IQCM: variants seen among roughly 807,000 people sequenced by gnomAD.
IQCM encodes the protein IQ domain-containing protein M.
IQCM carries 45 observed loss-of-function variants against 57.6 expected under a neutral mutation model. That is an observed-to-expected ratio of 0.78 (90% CI 0.62 to 1.00). The LOEUF (loss-of-function observed/expected upper bound fraction) is 1.00. IQCM is among the 50% of genes least tolerant of loss of function. IQCM has a pLI of 0.00. For synonymous variants in IQCM, 148 were observed against 158.9 expected, an observed-to-expected ratio of 0.93 and a Z score of 0.51; for missense variants, 468 against 511.6, an observed-to-expected ratio of 0.91 and a Z score of 0.82.
At chr4:149,560,454 A>C (rs1301581347) in intron 10 of IQCM, among the ~76,000 whole-genome samples, 1 of 152,170 alleles carries the variant, frequency 6.6e-6, no homozygotes, top group Non-Finnish European at 1.5e-5. Flanking sequence ...TAAAATTATA[A>C]ATATTTAGAG....
At chr4:149,409,370 G>A (rs75780977) in intron 13 of IQCM, among the ~76,000 whole-genome samples, 1,526 of 152,326 alleles carry the variant, frequency 0.01, 11 homozygotes, top group Non-Finnish European at 0.017. Flanking sequence ...CCTCCACTCA[G>A]ATATTTTGGC....
At chr4:149,594,418 C>A (rs1753551039) in intron 8 of IQCM, among the ~76,000 whole-genome samples, 1 of 152,134 alleles carries the variant, frequency 6.6e-6, no homozygotes, top group South Asian at 2.1e-4. Context: ...CTCCTGGATT[C>A]ATTGATTTTT....
intron 7 of IQCM, among the ~76,000 whole-genome samples, chr4:149,673,449 C>CA (rs998549759): frequency 1.2e-3 from 181 of 151,662 alleles, no homozygotes; most frequent in African/African-American, 4.2e-3. Context: ...AAATGGAAAA[C>CA]AAAAAAATGC....
At chr4:149,530,917 G>A (rs1262978777) in intron 12 of IQCM, among the ~76,000 whole-genome samples, 1 of 150,652 alleles carries the variant, frequency 6.6e-6, no homozygotes, top group African/African-American at 2.4e-5. Context: ...AAATGTATGG[G>A]CTACTTTGTT....
At chr4:149,548,642 A>T in intron 11 of IQCM, 53 bp from the exon 12 acceptor site, 3 of 909,046 alleles carry the variant, frequency 3.3e-6, no homozygotes, top group Non-Finnish European at 4.3e-6. Flanking sequence ...TACATCAAGT[A>T]AAAACTTTAA....
chr4:149,624,936 C>T (rs1756668077), intron 7 of IQCM, among the ~76,000 whole-genome samples: 1 of 152,160 alleles, frequency 6.6e-6, no homozygotes, highest in Admixed American at 6.5e-5. Flanking sequence ...ATGCCAAGCT[C>T]GTTCTGTTTC....
intron 13 of IQCM, among the ~76,000 whole-genome samples, chr4:149,377,360 C>G (rs1401543909): frequency 6.6e-6 from 1 of 152,148 alleles, no homozygotes; most frequent in Non-Finnish European, 1.5e-5. Context: ...CCTGAAAGGT[C>G]TGGCTGCTTC....
At chr4:149,802,253 A>G (rs967030940) in intron 2 of IQCM, among the ~76,000 whole-genome samples, 1 of 151,838 alleles carries the variant, frequency 6.6e-6, no homozygotes, top group Non-Finnish European at 1.5e-5. Flanking sequence ...AAAACTTTTC[A>G]TCTGACGAAT....
At chr4:149,792,176 A>T (rs528338890) in intron 2 of IQCM, among the ~76,000 whole-genome samples, 1 of 152,308 alleles carries the variant, frequency 6.6e-6, no homozygotes, top group African/African-American at 2.4e-5. Flanking sequence ...ACTGAATAGT[A>T]TAGGTTATAT....
At position 149,633,033 on chromosome 4, in the gene IQCM, C is replaced by T. The variant is rs539670780; in HGVS notation, c.566-11789G>A. ...AAAATTAGCCGGGCGCGGTGGCGGG[C>T]GCCTGTAGTCCCAGCTACTCGGGAG... On this transcript the variant is annotated intron_variant, in intron 7 of 13. Coordinates refer to ENST00000636793, the MANE Select transcript of IQCM (RefSeq NM_001363507.2). 2.7e-5 allele frequency among the ~76,000 whole-genome samples: 4 copies of T among 150,326 alleles called. No individual in the cohort carries two copies. The South Asian group carries it at 8.4e-4, about 32-fold the overall frequency.
chr4:149,527,098 C>T (rs1193770266), intron 12 of IQCM, among the ~76,000 whole-genome samples: 1 of 152,164 alleles, frequency 6.6e-6, no homozygotes, highest in Non-Finnish European at 1.5e-5. Context: ...AGCATATCAA[C>T]TTGCTATAAA....
intron 2 of IQCM, among the ~76,000 whole-genome samples, chr4:149,769,027 T>C (rs1300042080): frequency 1.3e-5 from 2 of 152,138 alleles, no homozygotes; most frequent in Non-Finnish European, 2.9e-5. Flanking sequence ...GAGTGAAATA[T>C]CCAAATAATC....
chr4:149,368,139 T>C (rs1355564744), intron 13 of IQCM, among the ~76,000 whole-genome samples: 3 of 152,046 alleles, frequency 2.0e-5, no homozygotes, highest in Admixed American at 1.3e-4. Flanking sequence ...TGTCTTCTCT[T>C]TTATATTCTT....
intron 2 of IQCM, among the ~76,000 whole-genome samples, chr4:149,812,288 C>A (rs1774636617): frequency 6.6e-6 from 1 of 151,964 alleles, no homozygotes; most frequent in Non-Finnish European, 1.5e-5. Flanking sequence ...GTGGAAGTGA[C>A]CCTTTTTAGA....
At chr4:149,713,200 A>G (rs1397677709) in intron 5 of IQCM, among the ~76,000 whole-genome samples, 1 of 152,064 alleles carries the variant, frequency 6.6e-6, no homozygotes, top group East Asian at 1.9e-4. Context: ...CCCTATCACC[A>G]ACAACGCTGG....
At chr4:149,743,738 A>C in intron 2 of IQCM, among the ~76,000 whole-genome samples, 1 of 152,288 alleles carries the variant, frequency 6.6e-6, no homozygotes, top group South Asian at 2.1e-4. Context: ...TGCTCAACAA[A>C]GGGCTGATTA....
intron 2 of IQCM, among the ~76,000 whole-genome samples, chr4:149,772,093 C>A (rs1770641599): frequency 1.3e-5 from 2 of 152,164 alleles, no homozygotes; most frequent in South Asian, 2.1e-4. Flanking sequence ...ATGTTCATAT[C>A]TTTTGATCAA....
intron 8 of IQCM, among the ~76,000 whole-genome samples, chr4:149,600,519 TACTTA>T (rs1004493241): frequency 4.5e-4 from 69 of 152,338 alleles, no homozygotes; most frequent in African/African-American, 1.6e-3. Context: ...GATTTTTAAT[TACTTA>T]GCCATCAGCA....
intron 13 of IQCM, among the ~76,000 whole-genome samples, chr4:149,354,098 C>T (rs868199610): frequency 2.0e-5 from 3 of 152,106 alleles, no homozygotes; most frequent in Non-Finnish European, 4.4e-5. Context: ...GGCGCGGTGG[C>T]TCACGCCTGT....
Sources: gnomAD v4.1 joint callset for allele counts (sites outside exome capture counted in the v4.1 genomes callset) on GRCh38, gnomAD v4.1.1 for gene constraint, MANE v1.5 for transcripts, NCBI Gene and HGNC (gene_info 2026-07-23, HGNC 2026-07-21) for gene names.